LUZP2: variants seen among roughly 807,000 people sequenced by gnomAD.
LUZP2 encodes leucine zipper protein 2.
A neutral mutation model predicts 51.6 loss-of-function variants in LUZP2; 52 were observed. The ratio of observed to expected loss-of-function variants is 1.01; its 90% CI spans 0.81 to 1.27. The LOEUF is 1.27. Ranked by LOEUF, LUZP2 falls within the 50% of genes most tolerant of loss-of-function variation. The pLI is 0.00. For missense variants in LUZP2, 436 were observed against 395.4 expected (o/e 1.10, Z -0.87); for synonymous variants, 154 against 137.3 (o/e 1.12, Z -0.85).
intron 1 of LUZP2, among the ~76,000 whole-genome samples, chr11:24,545,427 A>T (rs12360968): frequency 0.16 from 23,747 of 151,838 alleles, 2,053 homozygotes; most frequent in African/African-American, 0.21. Flanking sequence ...TAAATGTTTA[A>T]TCTATCTTGA....
intron 9 of LUZP2, among the ~76,000 whole-genome samples, chr11:25,024,878 C>T (rs1857441161): frequency 6.7e-6 from 1 of 149,704 alleles, no homozygotes; most frequent in African/African-American, 2.5e-5. Context: ...AGGCATCACG[C>T]TACCTGATTT....
chr11:24,608,696 T>G (rs1486654019), intron 1 of LUZP2, among the ~76,000 whole-genome samples: 1 of 152,214 alleles, frequency 6.6e-6, no homozygotes, highest in East Asian at 1.9e-4. Context: ...ACAAATTGAT[T>G]TTTTGTATAC....
At chr11:24,916,466 T>C (rs867608228) in intron 7 of LUZP2, among the ~76,000 whole-genome samples, 3 of 152,096 alleles carry the variant, frequency 2.0e-5, no homozygotes, top group South Asian at 2.1e-4. Context: ...GTGTATTTCC[T>C]AATGCTATCC....
intron 1 of LUZP2, among the ~76,000 whole-genome samples, chr11:24,713,592 C>G (rs1189976057): frequency 6.6e-6 from 1 of 151,402 alleles, no homozygotes; most frequent in African/African-American, 2.4e-5. Flanking sequence ...GCAATCCCAG[C>G]ACTTTGGGAG....
chr11:24,763,013 T>A (rs558967174), intron 4 of LUZP2: 48 of 753,286 alleles, frequency 6.4e-5, no homozygotes, highest in African/African-American at 2.7e-4. Flanking sequence ...TTTCTCAATT[T>A]AAAAAAAAAA....
rs181036130 is a variant in LUZP2 at position 25,017,539 on chromosome 11, A to G, written c.766-32499A>G. Among the ~76,000 whole-genome samples, 12 of 152,080 alleles carry G rather than the reference A, an allele frequency of 7.9e-5. No homozygotes were observed. The East Asian group carries it at 1.5e-3, about 20-fold the overall frequency. On this transcript the variant is annotated intron_variant, in intron 9 of 11. Coordinates refer to ENST00000336930, the MANE Select transcript of LUZP2 (RefSeq NM_001009909.4). ...GGTGTTGTTTCCCCAGTTTGTTTTCATATGCTTTGTCGAAGATTAGTTTGT... is the reference window on the plus strand; with the variant it reads ...GGTGTTGTTTCCCCAGTTTGTTTTCGTATGCTTTGTCGAAGATTAGTTTGT...
chr11:24,816,522 C>A (rs973555798), intron 5 of LUZP2, among the ~76,000 whole-genome samples: 1 of 151,804 alleles, frequency 6.6e-6, no homozygotes, highest in South Asian at 2.1e-4. Flanking sequence ...TTAATAATAC[C>A]AATTATATAT....
intron 1 of LUZP2, among the ~76,000 whole-genome samples, chr11:24,664,335 A>C (rs1856138549): frequency 6.6e-6 from 1 of 152,188 alleles, no homozygotes; most frequent in Non-Finnish European, 1.5e-5. Context: ...AGAAATTTCT[A>C]AGCAGCAAAG....
At chr11:24,808,685 G>A (rs1001839231) in intron 5 of LUZP2, among the ~76,000 whole-genome samples, 1 of 151,966 alleles carries the variant, frequency 6.6e-6, no homozygotes, top group Non-Finnish European at 1.5e-5. Flanking sequence ...TGTGCAAGTT[G>A]GTCTCCACCT....
At chr11:24,519,252 T>C (rs1402447525) in intron 1 of LUZP2, among the ~76,000 whole-genome samples, 1 of 152,158 alleles carries the variant, frequency 6.6e-6, no homozygotes, top group Non-Finnish European at 1.5e-5. Context: ...ATTAGGATTG[T>C]ATATAAGGAC....
At chr11:24,845,553 A>T (rs939677666) in intron 5 of LUZP2, among the ~76,000 whole-genome samples, 34 of 152,162 alleles carry the variant, frequency 2.2e-4, no homozygotes, top group Non-Finnish European at 4.3e-4. Context: ...GCAGAATGAT[A>T]CGGTTTGGCT....
intron 9 of LUZP2, among the ~76,000 whole-genome samples, chr11:25,030,457 A>C (rs990752314): frequency 1.3e-5 from 2 of 152,090 alleles, no homozygotes; most frequent in Non-Finnish European, 1.5e-5. Context: ...GAGTTGTAAG[A>C]TCAAAGGCCA....
Position 25,025,166 on chromosome 11 carries a change from A to G in LUZP2, c.766-24872A>G, listed in dbSNP as rs549423390. ...TAATTCGAGATGGATTAAAGACTTC[A>G]ATGTTAGACCTAAAACCATAAAAAC... is the stretch of plus-strand genomic sequence containing the variant. On this transcript the variant is annotated intron_variant, in intron 9 of 11. Transcript: ENST00000336930. Among the ~76,000 whole-genome samples, 6 of 152,260 alleles carry G rather than the reference A, an allele frequency of 3.9e-5. No individual in the cohort carries two copies. The East Asian group carries it at 1.2e-3, about 29-fold the overall frequency.
intron 5 of LUZP2, among the ~76,000 whole-genome samples, chr11:24,858,006 T>A (rs1394371573): frequency 6.6e-6 from 1 of 152,126 alleles, no homozygotes; most frequent in Non-Finnish European, 1.5e-5. Context: ...TTCTTTCTTT[T>A]TTTTATTTTT....
chr11:24,832,183 T>C (rs1414430598), intron 5 of LUZP2: 1 of 152,034 alleles, frequency 6.6e-6, no homozygotes, highest in Non-Finnish European at 1.5e-5. Flanking sequence ...ATGAAATCCA[T>C]TACTGAGAAA....
intron 9 of LUZP2, among the ~76,000 whole-genome samples, chr11:25,039,482 T>C (rs2134003912): frequency 6.6e-6 from 1 of 152,246 alleles, no homozygotes; most frequent in East Asian, 1.9e-4. Context: ...CCATGGCAGT[T>C]AGCTGGGGCT....
chr11:24,996,865 G>A (rs998770834), intron 9 of LUZP2, among the ~76,000 whole-genome samples: 15 of 151,638 alleles, frequency 9.9e-5, no homozygotes, highest in African/African-American at 1.7e-4. Context: ...AAGAATATGC[G>A]GTGTTTGGTT....
intron 4 of LUZP2, among the ~76,000 whole-genome samples, chr11:24,746,140 T>G (rs1859371933): frequency 6.6e-6 from 1 of 152,162 alleles, no homozygotes; most frequent in Non-Finnish European, 1.5e-5. Context: ...TATTTTTGTT[T>G]TATAGGTCCT....
intron 9 of LUZP2, among the ~76,000 whole-genome samples, chr11:25,042,900 A>G (rs1858118009): frequency 6.6e-6 from 1 of 152,184 alleles, no homozygotes; most frequent in African/African-American, 2.4e-5. Flanking sequence ...CCCAAAAGTA[A>G]TATGTTGAAG....
Sources: gnomAD v4.1 joint callset for allele counts (sites outside exome capture counted in the v4.1 genomes callset) on GRCh38, gnomAD v4.1.1 for gene constraint, MANE v1.5 for transcripts, NCBI Gene and HGNC (gene_info 2026-07-23, HGNC 2026-07-21) for gene names.